Variants in GABRA5 observed in about 807,000 individuals in gnomAD.
GABRA5 encodes the protein gamma-aminobutyric acid receptor subunit alpha-5.
A neutral mutation model predicts 47.3 loss-of-function variants in GABRA5; 18 were observed. The observed-to-expected ratio is 0.38, with a 90% confidence interval of 0.26 to 0.56. GABRA5 has a LOEUF of 0.56. Ranked by LOEUF, GABRA5 falls within the 20% of genes least tolerant of loss-of-function variation. The probability of loss-of-function intolerance (pLI) is 0.71; values close to 1 mark genes in which losing one functional copy is unlikely to be tolerated. For missense variants in GABRA5, 365 were observed against 599.3 expected (o/e 0.61, Z 4.08); for synonymous variants, 237 against 229.3 (o/e 1.03, Z -0.30).
chr15:26,911,908 C>A (rs1190384767), intron 6 of GABRA5, among the ~76,000 whole-genome samples: 1 of 152,138 alleles, frequency 6.6e-6, no homozygotes, highest in Non-Finnish European at 1.5e-5. Flanking sequence ...TCTCCATATC[C>A]ACCCTGACGA....
chr15:26,913,821 G>T (rs1023982957), intron 6 of GABRA5, among the ~76,000 whole-genome samples: 2 of 152,122 alleles, frequency 1.3e-5, no homozygotes, highest in Non-Finnish European at 2.9e-5. Flanking sequence ...CTACACAACA[G>T]AGCCCTGCCT....
intron 7 of GABRA5, among the ~76,000 whole-genome samples, chr15:26,919,932 C>A (rs376641296): frequency 3.4e-5 from 5 of 149,014 alleles, no homozygotes; most frequent in African/African-American, 1.2e-4. Flanking sequence ...TTATCATTCC[C>A]TGCTGTCCTG....
Position 26,882,916 on chromosome 15 carries a change from A to C in GABRA5, c.209-250A>C, listed in dbSNP as rs182267899. Among the ~76,000 whole-genome samples the C allele has an allele frequency of 5.6e-4, 86 of 152,268 alleles. 1 individual carries two copies. The East Asian group carries it at 0.016, about 28-fold the overall frequency. On this transcript the variant is annotated intron_variant, in intron 4 of 10. Transcript: ENST00000335625. ...AGGCCTCAGCCCAGGTCTTTCCAGG[A>C]CTGCTCCCCAGGGAGCAGAAGGAGG... is the stretch of plus-strand genomic sequence containing the variant.
chr15:26,911,442 T>G (rs967374832), intron 6 of GABRA5, among the ~76,000 whole-genome samples: 1 of 151,774 alleles, frequency 6.6e-6, no homozygotes, highest in Non-Finnish European at 1.5e-5. Flanking sequence ...CTCCTTGGTA[T>G]GCATTCCTTG....
At chr15:26,880,626 T>G in intron 3 of GABRA5, 1 of 431,958 alleles carries the variant, frequency 2.3e-6, no homozygotes, top group Non-Finnish European at 4.1e-6. Flanking sequence ...GAGCCTCAGG[T>G]TAGGTGGTTG....
intron 10 of GABRA5, among the ~76,000 whole-genome samples, chr15:26,944,249 G>A (rs1894458627): frequency 6.6e-6 from 1 of 152,244 alleles, no homozygotes; most frequent in Non-Finnish European, 1.5e-5. Flanking sequence ...TTACAGCAGA[G>A]CAGGAGGCCC....
chr15:26,927,347 C>T (rs925285564), intron 7 of GABRA5, among the ~76,000 whole-genome samples: 22 of 151,492 alleles, frequency 1.5e-4, no homozygotes, highest in Non-Finnish European at 2.7e-4. Flanking sequence ...CTCCTGACCT[C>T]GTGATCCACC....
At chr15:26,915,497 A>G (rs111303688) in intron 7 of GABRA5, among the ~76,000 whole-genome samples, 2 of 152,244 alleles carry the variant, frequency 1.3e-5, no homozygotes, top group African/African-American at 4.8e-5. Context: ...AGGAATTGAC[A>G]GTTGAGACAG....
At chr15:26,884,154 G>A (rs371577921) in intron 6 of GABRA5, among the ~76,000 whole-genome samples, 3 of 151,734 alleles carry the variant, frequency 2.0e-5, no homozygotes, top group East Asian at 1.9e-4. Flanking sequence ...GTACCACTGC[G>A]CTCCAGCCTG....
At chr15:26,877,804 C>A in intron 3 of GABRA5, 1 of 377,172 alleles carries the variant, frequency 2.7e-6, no homozygotes, top group South Asian at 2.0e-5. Flanking sequence ...TTAAGAGAAC[C>A]TAGTGAATTA....
rs2140252807 is a variant in GABRA5, at chr15:26,880,981, C to T, written c.208+14C>T. 2 of 1,613,266 alleles carry T rather than the reference C, an allele frequency of 1.2e-6. No individual in the cohort carries two copies. The highest frequency in any genetic ancestry group is 1.7e-5 in the Admixed American group (1 of 59,912). ...CCGGGCTGGGAGGTGAGTGTGCTCT[C>T]CTCAGCTGAGCCCAGCAAGGATCCA... is the stretch of plus-strand genomic sequence containing the variant. On this transcript the variant is annotated intron_variant, in intron 4 of 10. Coordinates refer to ENST00000335625, the MANE Select transcript of GABRA5 (RefSeq NM_000810.4).
chr15:26,929,358 C>T (rs964926533), intron 7 of GABRA5, among the ~76,000 whole-genome samples: 7 of 152,182 alleles, frequency 4.6e-5, no homozygotes, highest in African/African-American at 1.7e-4. Flanking sequence ...GGGGCAAGTT[C>T]CATCAGACCT....
intron 7 of GABRA5, among the ~76,000 whole-genome samples, chr15:26,928,695 T>C (rs139281967): frequency 0.014 from 2,064 of 152,178 alleles, 51 homozygotes; most frequent in African/African-American, 0.047. Flanking sequence ...ATACTCTGAG[T>C]GTTGCTTTAG....
chr15:26,892,728 G>A lies in GABRA5; in HGVS notation c.497+9171G>A, dbSNP rs147233314. 4.8e-4 allele frequency among the ~76,000 whole-genome samples: 73 copies of A among 152,344 alleles called. No individual in the cohort carries two copies. In the East Asian group the frequency reaches 0.013, roughly 27 times the overall value. ...TTAATAAGGTCCGAGCAGAGGGGCTGTTACTTTCCGTTAGCATTCACATGG... is the reference window on the plus strand; with the variant it reads ...TTAATAAGGTCCGAGCAGAGGGGCTATTACTTTCCGTTAGCATTCACATGG... On this transcript the variant is annotated intron_variant, in intron 6 of 10. Coordinates refer to ENST00000335625, the MANE Select transcript of GABRA5 (RefSeq NM_000810.4).
chr15:26,894,474 G>A (rs977958365), intron 6 of GABRA5, among the ~76,000 whole-genome samples: 2 of 152,110 alleles, frequency 1.3e-5, no homozygotes, highest in African/African-American at 2.4e-5. Context: ...TCTTGCCTGC[G>A]CCTCTTCCAC....
chr15:26,920,906 C>G (rs144391410), intron 7 of GABRA5, among the ~76,000 whole-genome samples: 156 of 152,294 alleles, frequency 1.0e-3, no homozygotes, highest in African/African-American at 3.6e-3. Flanking sequence ...GAGAAGCTGT[C>G]TTTCTGCGTT....
At chr15:26,920,312 G>T (rs181420237) in intron 7 of GABRA5, among the ~76,000 whole-genome samples, 2 of 150,346 alleles carry the variant, frequency 1.3e-5, no homozygotes, top group Admixed American at 6.7e-5. Flanking sequence ...TCTTCTTCTT[G>T]CTCCTCTGAC....
chr15:26,923,674 C>A (rs187489458), intron 7 of GABRA5, among the ~76,000 whole-genome samples: 4 of 152,172 alleles, frequency 2.6e-5, no homozygotes, highest in African/African-American at 4.8e-5. Context: ...TGAATTAATT[C>A]TTTGAACACT....
intron 6 of GABRA5, among the ~76,000 whole-genome samples, chr15:26,893,958 A>G (rs1321674187): frequency 2.0e-5 from 3 of 152,050 alleles, no homozygotes; most frequent in Non-Finnish European, 2.9e-5. Context: ...ACAGATTCCA[A>G]GGACCCTTGC....
Sources: allele counts gnomAD v4.1 joint callset (sites outside exome capture counted in the v4.1 genomes callset), GRCh38; gene constraint gnomAD v4.1.1; transcripts MANE v1.5; gene names NCBI Gene and HGNC (gene_info 2026-07-23, HGNC 2026-07-21).